Variants in ABHD3 observed in about 807,000 individuals in gnomAD.
The protein encoded by ABHD3 is abhydrolase domain containing 3, phospholipase.
A neutral mutation model predicts 48.8 loss-of-function variants in ABHD3; 46 were observed. That is an observed-to-expected ratio of 0.94 (90% confidence interval 0.74 to 1.20). The LOEUF is 1.20. ABHD3 is among the 50% of genes most tolerant of loss of function. The probability of loss-of-function intolerance (pLI) is 0.00; values close to 1 mark genes in which losing one functional copy is unlikely to be tolerated. For missense variants in ABHD3, 490 were observed against 497.8 expected (o/e 0.98, Z 0.15); for synonymous variants, 192 against 183.7 (o/e 1.04, Z -0.36).
At chr18:21,689,227 T>C (rs1263692185) in intron 3 of ABHD3, among the ~76,000 whole-genome samples, 1 of 152,090 alleles carries the variant, frequency 6.6e-6, no homozygotes, top group Non-Finnish European at 1.5e-5. Context: ...TGGGTATTAC[T>C]CAATGATAAA....
chr18:21,695,604 T>C (rs1568162639), intron 3 of ABHD3, among the ~76,000 whole-genome samples: 1 of 149,796 alleles, frequency 6.7e-6, no homozygotes, highest in African/African-American at 2.5e-5. Context: ...CCATTACTTT[T>C]AATGGCATTA....
intron 4 of ABHD3, among the ~76,000 whole-genome samples, chr18:21,665,096 C>G (rs2039591197): frequency 6.6e-6 from 1 of 152,046 alleles, no homozygotes; most frequent in Non-Finnish European, 1.5e-5. Flanking sequence ...AGACACCCAC[C>G]ACCATGCCCG....
intron 3 of ABHD3, among the ~76,000 whole-genome samples, chr18:21,700,485 G>C (rs1411239802): frequency 6.6e-6 from 1 of 151,680 alleles, no homozygotes; most frequent in Non-Finnish European, 1.5e-5. Flanking sequence ...TGCACCCTCT[G>C]CCTCCCAGGT....
chr18:21,665,825 A>G (rs988670803), intron 4 of ABHD3, among the ~76,000 whole-genome samples: 1 of 151,254 alleles, frequency 6.6e-6, no homozygotes, highest in Non-Finnish European at 1.5e-5. Context: ...AAAAAAAAAA[A>G]GCAAAAGGGG....
chr18:21,657,778 T>TA (rs1386183314), intron 6 of ABHD3, among the ~76,000 whole-genome samples: 3 of 151,882 alleles, frequency 2.0e-5, no homozygotes, highest in Admixed American at 2.0e-4. Flanking sequence ...GTAACAGTCA[T>TA]AAAAAAATAA....
chr18:21,687,333 C>T (rs915038487), intron 3 of ABHD3, among the ~76,000 whole-genome samples: 9 of 152,068 alleles, frequency 5.9e-5, no homozygotes, highest in Admixed American at 2.0e-4. Context: ...CTCAGCCTCC[C>T]GAGTAGCTGG....
intron 5 of ABHD3, 185 bp downstream of exon 5, chr18:21,663,933 A>C (rs1205783581): frequency 2.8e-6 from 4 of 1,427,974 alleles, no homozygotes; most frequent in African/African-American, 2.9e-5. Flanking sequence ...AAAATATTAA[A>C]ATTCACCTGA....
chr18:21,679,775 T>C (rs1382106801), intron 4 of ABHD3, among the ~76,000 whole-genome samples: 2 of 152,194 alleles, frequency 1.3e-5, no homozygotes, highest in African/African-American at 2.4e-5. Context: ...TCCACGCACC[T>C]CAGCCTCCCA....
intron 4 of ABHD3, among the ~76,000 whole-genome samples, chr18:21,670,517 C>G (rs2039733452): frequency 6.6e-6 from 1 of 152,158 alleles, no homozygotes; most frequent in Non-Finnish European, 1.5e-5. Context: ...AAGCCTCTGC[C>G]AAGCATTCAA....
In ABHD3 at chr18:21,683,952, TA is replaced by T; in HGVS notation, c.522del (p.Phe174LeufsTer12). 1.2e-6 allele frequency: 2 copies of T among 1,601,512 alleles called. No homozygotes were observed. The highest frequency in any genetic ancestry group is 2.3e-5 in the South Asian group (2 of 88,696). ...SEELGYRCVV[F>X]NNRGVAGENL... ...TTCTCCCCCGCCACTCCTCTGTTGT[TA>T]AAAACCACACATCTAAAAACCAGGA... On this transcript the variant is annotated frameshift_variant, in exon 4 of 9. Coordinates refer to ENST00000289119, the MANE Select transcript of ABHD3 (RefSeq NM_138340.5). LOFTEE classifies it high-confidence loss of function.
chr18:21,667,718 G>C (rs2039666596), intron 4 of ABHD3, among the ~76,000 whole-genome samples: 1 of 152,010 alleles, frequency 6.6e-6, no homozygotes. Flanking sequence ...ACAAAACCCT[G>C]AGGAAGATCC....
intron 5 of ABHD3, chr18:21,663,714 A>G: frequency 6.5e-7 from 1 of 1,535,658 alleles, no homozygotes; most frequent in Non-Finnish European, 8.7e-7. Flanking sequence ...CTGCAGCTGG[A>G]GAGAGCAATA....
chr18:21,685,082 T>C (rs567740688), intron 3 of ABHD3, among the ~76,000 whole-genome samples: 1 of 152,380 alleles, frequency 6.6e-6, no homozygotes, highest in South Asian at 2.1e-4. Flanking sequence ...CAGGCCCAGA[T>C]ATGTATTTTT....
rs146757105 is a variant in ABHD3, at chr18:21,697,009, C to G, written c.509+5307G>C. On this transcript the variant is annotated intron_variant, in intron 3 of 8. Transcript: ENST00000289119. The stretch of plus-strand genomic sequence containing the variant: ...TCCAAAAGAGTACATACTCAATCCA[C>G]CAGTGAAGATGGACAGGTTATCTTC... Among the ~76,000 whole-genome samples, 62 of 152,214 alleles carry G rather than the reference C, an allele frequency of 4.1e-4. No individual in the cohort carries two copies. The South Asian group carries it at 0.013, about 31-fold the overall frequency.
intron 3 of ABHD3, among the ~76,000 whole-genome samples, chr18:21,688,003 G>A (rs974459829): frequency 1.3e-5 from 2 of 152,340 alleles, no homozygotes; most frequent in South Asian, 2.1e-4. Flanking sequence ...CGGCCCCTAG[G>A]ATGAGAACCA....
chr18:21,702,169 GA>G (rs1156233225), intron 3 of ABHD3, 146 bp downstream of exon 3: 32 of 697,116 alleles, frequency 4.6e-5, no homozygotes, highest in African/African-American at 1.3e-4. Flanking sequence ...AAAGAAAGAG[GA>G]AAAAAAGAAT....
At position 21,665,582 on chromosome 18, in the gene ABHD3, C is replaced by T. The variant is rs148468940; in HGVS notation, c.556-1352G>A. On this transcript the variant is annotated intron_variant, in intron 4 of 8. Transcript: ENST00000289119. ...CTGTAATCCCAGCACTTTGGGAGGC[C>T]AAGGCAGGTGGATCATGAGCTCAGG... Among the ~76,000 whole-genome samples the T allele has an allele frequency of 1.1e-4, 16 of 152,108 alleles. No individual in the cohort carries two copies. The East Asian group carries it at 2.3e-3, about 22-fold the overall frequency.
At chr18:21,685,656 G>A (rs1167922785) in intron 3 of ABHD3, among the ~76,000 whole-genome samples, 2 of 152,134 alleles carry the variant, frequency 1.3e-5, no homozygotes, top group East Asian at 3.9e-4. Context: ...AGCCTGCTGA[G>A]TAGCTGGGAC....
At chr18:21,696,688 A>G (rs1240745171) in intron 3 of ABHD3, among the ~76,000 whole-genome samples, 1 of 152,056 alleles carries the variant, frequency 6.6e-6, no homozygotes, top group African/African-American at 2.4e-5. Context: ...CTCTCTAAAC[A>G]TATTTCTGGT....
Sources: allele counts gnomAD v4.1 joint callset (sites outside exome capture counted in the v4.1 genomes callset), GRCh38; gene constraint gnomAD v4.1.1; transcripts MANE v1.5; gene names NCBI Gene and HGNC (gene_info 2026-07-23, HGNC 2026-07-21).